COQ7: variants seen among roughly 807,000 people sequenced by gnomAD.
COQ7 encodes the protein NADPH-dependent 3-demethoxyubiquinone 3-hydroxylase, mitochondrial.
COQ7 carries 21 observed loss-of-function variants against 25.0 expected under a neutral mutation model. The observed-to-expected ratio is 0.84, with a 90% CI of 0.60 to 1.21. COQ7 has a LOEUF of 1.21. COQ7 is among the 50% of genes most tolerant of loss of function. COQ7 has a pLI of 0.00. For missense variants in COQ7, 311 were observed against 296.2 expected, an observed-to-expected ratio of 1.05 and a Z score of -0.37; for synonymous variants, 125 against 112.4, an observed-to-expected ratio of 1.11 and a Z score of -0.71.
chr16:19,075,846 GAGGAACTTCTTC>G lies in COQ7; in HGVS notation c.497_507+1del. The G allele has an allele frequency of 6.2e-7, 1 of 1,614,206 alleles. No individual in the cohort carries two copies. The highest frequency in any genetic ancestry group is 1.1e-5 in the South Asian group (1 of 91,080). On this transcript the variant is annotated inframe_deletion and splice_region_variant, in exon 4 of 6. Coordinates refer to ENST00000321998, the MANE Select transcript of COQ7 (RefSeq NM_016138.5). Reference sequence around the variant, plus strand: ...GATGGAGGAGGACCCTGAAAAATACGAGGAACTTCTTCAGGTATTTATCCGTGCTCTAGAACG... The same window carrying G: ...GATGGAGGAGGACCCTGAAAAATACGAGGTATTTATCCGTGCTCTAGAACG...
rs1001368417 is a variant in COQ7 at position 19,077,603 on chromosome 16, T to TTTTTTTTTTTTTTTTTTC, written c.576+230_576+231insTTTTTTTTTTTTTTTTCT. Among the ~76,000 whole-genome samples, 211 of 142,386 alleles carry TTTTTTTTTTTTTTTTTTC rather than the reference T, an allele frequency of 1.5e-3. 8 individuals carry two copies. Among genetic ancestry groups the TTTTTTTTTTTTTTTTTTC allele is most frequent in the Middle Eastern group, 7.4e-3 (2 of 272 alleles). 93.4% of individuals were successfully genotyped at this position (142,386 alleles called of 152,430 possible). On this transcript the variant is annotated intron_variant, in intron 5 of 5. Coordinates refer to ENST00000321998, the MANE Select transcript of COQ7 (RefSeq NM_016138.5). ...TTTCCCCAGAAGCTTTTTTTTTTTT[T>TTTTTTTTTTTTTTTTTTC]TCCCAGACACAGTCTCACTCTGTCT...
Position 19,079,694 on chromosome 16 carries a change from G to T in COQ7, c.*1536G>T, listed in dbSNP as rs779379861. On this transcript the variant is annotated 3_prime_UTR_variant, in exon 6 of 6. Transcript: ENST00000321998. Reference sequence around the variant, plus strand: ...TAGATTATAAGATGCTTCTGGGAAAGAACCACATTTTAGGAATTTGCTTCC... The same window carrying T: ...TAGATTATAAGATGCTTCTGGGAAATAACCACATTTTAGGAATTTGCTTCC... 8 of 152,166 alleles carry T rather than the reference G, an allele frequency of 5.3e-5. No individual in the cohort carries two copies. The highest frequency in any genetic ancestry group is 1.0e-4 in the Non-Finnish European group (7 of 68,044). The allele number at this position is 152,166 out of a possible 1,614,324, so 9.4% of individuals were successfully genotyped here.
At position 19,077,381 on chromosome 16, in the gene COQ7, C is replaced by G; in HGVS notation, c.576+7C>G. ...CGACCATGATGCAGAATTGGTAGGG[C>G]CCTACTGTTACCTGTTCTGCTTTGG... is the stretch of plus-strand genomic sequence containing the variant. On this transcript the variant is annotated splice_region_variant and intron_variant, in intron 5 of 5. Transcript: ENST00000321998. 1 of 1,612,996 alleles carries G rather than the reference C, an allele frequency of 6.2e-7. No individual in the cohort carries two copies. Among genetic ancestry groups the G allele is most frequent in the Non-Finnish European group, 8.5e-7 (1 of 1,179,122 alleles).
At chr16:19,072,182 G>C (rs959281028) in intron 2 of COQ7, 76 bp downstream of exon 2, 1 of 1,567,682 alleles carries the variant, frequency 6.4e-7, no homozygotes, top group Middle Eastern at 2.1e-4. Context: ...ATGAATCATG[G>C]GAGGTCAAGC....
intron 2 of COQ7, among the ~76,000 whole-genome samples, chr16:19,072,593 AAATGGCCTCAT>A (rs141575196): frequency 6.6e-6 from 1 of 152,160 alleles, no homozygotes; most frequent in African/African-American, 2.4e-5. Context: ...CGTATCTGCA[AAATGGCCTCAT>A]AATGGCCTGG....
chr16:19,075,991 T>A, intron 4 of COQ7, 131 bp downstream of exon 4: 1 of 1,227,774 alleles, frequency 8.1e-7, no homozygotes, highest in East Asian at 2.5e-5. Context: ...GTGCCTCAGT[T>A]TAAAGGTGAG....
chr16:19,078,029 A>G, intron 5 of COQ7, 52 bp from the exon 6 acceptor site: 1 of 1,448,570 alleles, frequency 6.9e-7, no homozygotes, highest in African/African-American at 1.4e-5. Context: ...GAATCTTACA[A>G]CCGAAAATGA....
Position 19,078,161 on chromosome 16 carries a change from T to C in COQ7, c.*3T>C. ...TATATTTATCAGAAAGATTATAAAG[T>C]GTGTCCAGTTTTGCCTGTCTATAAA... On this transcript the variant is annotated 3_prime_UTR_variant, in exon 6 of 6. Coordinates refer to ENST00000321998, the MANE Select transcript of COQ7 (RefSeq NM_016138.5). The C allele has an allele frequency of 1.2e-6, 2 of 1,608,142 alleles. No homozygotes were observed. Among genetic ancestry groups the C allele is most frequent in the South Asian group, 1.1e-5 (1 of 90,124 alleles).
chr16:19,074,280 C>T (rs548142971), intron 3 of COQ7, among the ~76,000 whole-genome samples: 9 of 151,822 alleles, frequency 5.9e-5, no homozygotes, highest in Non-Finnish European at 4.4e-5. Context: ...AATCCCAGCA[C>T]TTTGGGAGGC....
intron 2 of COQ7, chr16:19,072,440 G>A: frequency 4.1e-6 from 1 of 246,672 alleles, no homozygotes; most frequent in Non-Finnish European, 7.9e-6. Flanking sequence ...CCCCTACCGT[G>A]CCAGAGAGGT....
rs758503389 is a variant in COQ7 at position 19,078,066 on chromosome 16, T to C, written c.577-15T>C. On this transcript the variant is annotated splice_polypyrimidine_tract_variant and intron_variant, in intron 5 of 5. Coordinates refer to ENST00000321998, the MANE Select transcript of COQ7 (RefSeq NM_016138.5). ...CACATAACATGTTTCTTTGTTTGCT[T>C]ATTGTTTTTAACAGGCTCCAGCCTA... 1 of 1,582,884 alleles carries C rather than the reference T, an allele frequency of 6.3e-7. No homozygotes were observed. The highest frequency in any genetic ancestry group is 8.6e-7 in the Non-Finnish European group (1 of 1,165,580).
At chr16:19,069,771 A>T (rs1962458755) in intron 1 of COQ7, among the ~76,000 whole-genome samples, 1 of 151,474 alleles carries the variant, frequency 6.6e-6, no homozygotes, top group South Asian at 2.1e-4. Flanking sequence ...GAGATGGGAC[A>T]CATGTTTTAT....
intron 2 of COQ7, 122 bp downstream of exon 2, chr16:19,072,228 G>C (rs1962601096): frequency 8.4e-7 from 1 of 1,195,780 alleles, no homozygotes; most frequent in African/African-American, 1.5e-5. Flanking sequence ...CCAGGAGAGC[G>C]AAGGTTGGTT....
chr16:19,077,341 C>T lies in COQ7; in HGVS notation c.543C>T (p.His181=). The T allele has an allele frequency of 1.2e-6, 2 of 1,614,128 alleles. No homozygotes were observed. The highest frequency in any genetic ancestry group is 1.7e-6 in the Non-Finnish European group (2 of 1,180,026). Residue 181 remains histidine (H), a synonymous_variant, in exon 5 of 6, where the codon CAC becomes CAT. Coordinates refer to ENST00000321998, the MANE Select transcript of COQ7 (RefSeq NM_016138.5). ...AATTTCGGGATGAAGAGCTTGAGCACCATGACATAGGCCTCGACCATGATG... is the reference window on the plus strand; with the variant it reads ...AATTTCGGGATGAAGAGCTTGAGCATCATGACATAGGCCTCGACCATGATG... The part of the protein sequence containing the change: ...IKKFRDEELE[H]HDIGLDHDAE...
At chr16:19,071,643 G>A in intron 1 of COQ7, 1 of 414,402 alleles carries the variant, frequency 2.4e-6, no homozygotes. Flanking sequence ...TGGTGAACTG[G>A]AGAACCATGC....
chr16:19,072,382 G>T, intron 2 of COQ7: 2 of 441,688 alleles, frequency 4.5e-6, no homozygotes, highest in Non-Finnish European at 4.1e-6. Context: ...AAAAGGTTAA[G>T]AATCGCTCAG....
At chr16:19,077,590 CT>C (rs60523088) in intron 5 of COQ7, among the ~76,000 whole-genome samples, 4,680 of 74,570 alleles carry the variant, frequency 0.063, 698 homozygotes, top group African/African-American at 0.19. Context: ...TCCCCAGAAG[CT>C]TTTTTTTTTT....
At chr16:19,068,029 C>T (rs1962324396) in intron 1 of COQ7, 3 of 1,286,894 alleles carry the variant, frequency 2.3e-6, no homozygotes, top group African/African-American at 1.6e-5. Flanking sequence ...CGTTCCGAGT[C>T]GAGGACAGTT....
At chr16:19,074,180 C>G in intron 3 of COQ7, 145 bp downstream of exon 3, 1 of 553,852 alleles carries the variant, frequency 1.8e-6, no homozygotes, top group Non-Finnish European at 3.2e-6. Context: ...AATTGACTGC[C>G]TTTTTTTGTG....
Sources: gnomAD v4.1 joint callset for allele counts (sites outside exome capture counted in the v4.1 genomes callset) on GRCh38, gnomAD v4.1.1 for gene constraint, MANE v1.5 for transcripts, NCBI Gene and HGNC (gene_info 2026-07-23, HGNC 2026-07-21) for gene names.